CRYBG3: variants seen among roughly 807,000 people sequenced by gnomAD.
CRYBG3 encodes very large A-kinase anchor protein.
A neutral mutation model predicts 244.2 loss-of-function variants in CRYBG3; 127 were observed. The observed-to-expected ratio is 0.52, with a 90% CI of 0.45 to 0.60. The LOEUF (loss-of-function observed/expected upper bound fraction) is 0.60. Ranked by LOEUF, CRYBG3 falls within the 20% of genes least tolerant of loss-of-function variation. The pLI is 0.00. For missense variants in CRYBG3, 3,325 were observed against 3,442.5 expected (o/e 0.97, Z 0.85); for synonymous variants, 1,132 against 1,195.8 (o/e 0.95, Z 1.10).
intron 2 of CRYBG3, among the ~76,000 whole-genome samples, chr3:97,850,396 A>T (rs1480673727): frequency 1.3e-5 from 2 of 152,220 alleles, no homozygotes; most frequent in Non-Finnish European, 2.9e-5. Context: ...CAAAAATTAT[A>T]TGGATTTGAA....
At chr3:97,890,407 A>G (rs1000136898) in intron 10 of CRYBG3, among the ~76,000 whole-genome samples, 10 of 152,160 alleles carry the variant, frequency 6.6e-5, no homozygotes, top group African/African-American at 2.4e-4. Context: ...TCAGGACTTC[A>G]GTTGTGACAG....
chr3:97,829,077 G>A (rs2038618742), intron 1 of CRYBG3, among the ~76,000 whole-genome samples: 1 of 151,378 alleles, frequency 6.6e-6, no homozygotes, highest in African/African-American at 2.4e-5. Context: ...CATAAAGTAA[G>A]AAAAAGATTG....
chr3:97,927,829 A>G (rs2040055698), intron 17 of CRYBG3, among the ~76,000 whole-genome samples: 1 of 152,136 alleles, frequency 6.6e-6, no homozygotes, highest in South Asian at 2.1e-4. Flanking sequence ...TAATCAGTAG[A>G]GAGATGCAAA....
At chr3:97,939,025 T>A (rs976946505) in intron 19 of CRYBG3, among the ~76,000 whole-genome samples, 2 of 151,988 alleles carry the variant, frequency 1.3e-5, no homozygotes, top group Non-Finnish European at 2.9e-5. Context: ...TACATAATAA[T>A]GCTGACCCTC....
At chr3:97,903,795 T>A (rs1256965219) in intron 15 of CRYBG3, among the ~76,000 whole-genome samples, 2 of 152,198 alleles carry the variant, frequency 1.3e-5, no homozygotes, top group Non-Finnish European at 2.9e-5. Flanking sequence ...ATCTTCATAA[T>A]ATAGTGGAGA....
At chr3:97,860,990 C>T (rs2039138754) in intron 2 of CRYBG3, among the ~76,000 whole-genome samples, 1 of 152,082 alleles carries the variant, frequency 6.6e-6, no homozygotes, top group Non-Finnish European at 1.5e-5. Context: ...CTACCTGCCA[C>T]TTACCCAGAG....
intron 5 of CRYBG3, 80 bp downstream of exon 5, chr3:97,879,828 T>A: frequency 1.9e-6 from 2 of 1,051,342 alleles, no homozygotes; most frequent in South Asian, 2.9e-5. Flanking sequence ...TATAAGTGAC[T>A]TAGATAATGA....
At chr3:97,888,482 C>T in intron 9 of CRYBG3, 27 bp downstream of exon 9, 2 of 1,438,492 alleles carry the variant, frequency 1.4e-6, no homozygotes, top group South Asian at 1.2e-5. Context: ...AGAAGCATTC[C>T]TTTTCCCAAG....
intron 4 of CRYBG3, among the ~76,000 whole-genome samples, chr3:97,878,751 C>T (rs767376273): frequency 1.3e-5 from 2 of 152,214 alleles, no homozygotes; most frequent in Non-Finnish European, 2.9e-5. Flanking sequence ...ACAGCAGCCT[C>T]GCACTACAAC....
rs564227655 is a variant in CRYBG3 at position 97,840,604 on chromosome 3, A to G, written c.150-2591A>G. 5 of 152,216 alleles carry G rather than the reference A, an allele frequency of 3.3e-5. No homozygotes were observed. In the South Asian group the frequency reaches 6.2e-4, roughly 19 times the overall value. The allele number at this position is 152,216 out of a possible 1,614,324, so 9.4% of individuals were successfully genotyped here. ...AAAGACTGAGTTCTGCCATAATCTC[A>G]TGAACTTAGCTGTATTTTCTGGAGA... On this transcript the variant is annotated intron_variant, in intron 1 of 21. Transcript: ENST00000389622.
In CRYBG3 at chr3:97,877,237, TC is replaced by T. The variant is rs774992486; in HGVS notation, c.6045del (p.Ala2016GlnfsTer43). The T allele has an allele frequency of 1.1e-5, 17 of 1,613,780 alleles. No homozygotes were observed. The highest frequency in any genetic ancestry group is 1.4e-5 in the Non-Finnish European group (17 of 1,179,848). ...CCTTCAAGAGGAGGACAAGTATGCT[TC>T]CGCAGAAGCAAGACAAACACAGTCT... ...EPLQEEDKYA[S>X]AEARQTQSVL... On this transcript the variant is annotated frameshift_variant, in exon 4 of 22. Coordinates refer to ENST00000389622, the MANE Select transcript of CRYBG3 (RefSeq NM_153605.4). LOFTEE classifies it high-confidence loss of function.
rs780039190 is a variant in CRYBG3 at position 97,899,038 on chromosome 3, C to A, written c.7844+13C>A. ...TTAAAAGTGGAGTGTAAGTTGCCTC[C>A]TCTAAGAACCTTGAGAGTCTTTGGT... is the stretch of plus-strand genomic sequence containing the variant. On this transcript the variant is annotated intron_variant, in intron 13 of 21. Coordinates refer to ENST00000389622, the MANE Select transcript of CRYBG3 (RefSeq NM_153605.4). The A allele has an allele frequency of 1.2e-6, 2 of 1,606,784 alleles. No homozygotes were observed. Among genetic ancestry groups the A allele is most frequent in the South Asian group, 2.2e-5 (2 of 89,144 alleles).
intron 12 of CRYBG3, 63 bp downstream of exon 12, chr3:97,896,148 C>T: frequency 6.8e-7 from 1 of 1,460,448 alleles, no homozygotes; most frequent in Non-Finnish European, 9.4e-7. Context: ...AAAAATTGGA[C>T]ATGACTCCTG....
intron 2 of CRYBG3, among the ~76,000 whole-genome samples, chr3:97,848,746 C>A (rs188850344): frequency 6.6e-6 from 1 of 152,320 alleles, no homozygotes; most frequent in East Asian, 1.9e-4. Context: ...GTCTTTTTTT[C>A]TCAGCAATGC....
Position 97,822,044 on chromosome 3 carries a change from C to G in CRYBG3, c.-163C>G. 2.1e-6 allele frequency: 1 copy of G among 480,044 alleles called. No homozygotes were observed. Among genetic ancestry groups the G allele is most frequent in the South Asian group, 8.4e-5 (1 of 11,858 alleles). 29.7% of individuals were successfully genotyped at this position (480,044 alleles called of 1,614,324 possible). On this transcript the variant is annotated 5_prime_UTR_variant, in exon 1 of 22. Coordinates refer to ENST00000389622, the MANE Select transcript of CRYBG3 (RefSeq NM_153605.4). ...GAGCTGCCGCGCGAGGAGCGCGTCG[C>G]GTCCGCACTTCTCCTGCCCGAGAGA... is the stretch of plus-strand genomic sequence containing the variant.
At chr3:97,903,406 T>A (rs1287859357) in intron 15 of CRYBG3, among the ~76,000 whole-genome samples, 4 of 152,090 alleles carry the variant, frequency 2.6e-5, no homozygotes, top group Non-Finnish European at 5.9e-5. Context: ...GCCTTTATGG[T>A]TAATAAGGGA....
At chr3:97,940,793 C>CCCTA (rs1457353101) in intron 19 of CRYBG3, among the ~76,000 whole-genome samples, 3 of 151,848 alleles carry the variant, frequency 2.0e-5, no homozygotes, top group Non-Finnish European at 4.4e-5. Flanking sequence ...GTAATAACTC[C>CCCTA]CCTACCTCCC....
chr3:97,924,344 C>G, intron 17 of CRYBG3: 1 of 426,102 alleles, frequency 2.3e-6, no homozygotes, highest in Non-Finnish European at 4.6e-6. Flanking sequence ...ATATAGGAAT[C>G]TACCCTGATG....
Position 97,898,735 on chromosome 3 carries a change from A to G in CRYBG3, c.7702-148A>G, listed in dbSNP as rs568900925. On this transcript the variant is annotated intron_variant, in intron 12 of 21. Coordinates refer to ENST00000389622, the MANE Select transcript of CRYBG3 (RefSeq NM_153605.4). Reference sequence around the variant, plus strand: ...TTTAAACTATATGGAAGTAATAGCTATAAAATTGTTTCCAGGGCCATCTAA... The same window carrying G: ...TTTAAACTATATGGAAGTAATAGCTGTAAAATTGTTTCCAGGGCCATCTAA... 4.8e-5 allele frequency: 25 copies of G among 518,228 alleles called. 1 individual carries two copies. Among genetic ancestry groups the G allele is most frequent in the Admixed American group, 2.7e-4 (7 of 26,182 alleles). 32.1% of individuals were successfully genotyped at this position (518,228 alleles called of 1,614,324 possible). A position where few individuals can be genotyped will look rare whatever the true frequency, so the allele number is the denominator to read the frequency against.
Sources: allele counts gnomAD v4.1 joint callset (sites outside exome capture counted in the v4.1 genomes callset), GRCh38; gene constraint gnomAD v4.1.1; transcripts MANE v1.5; gene names NCBI Gene and HGNC (gene_info 2026-07-23, HGNC 2026-07-21).